RPS6KC1: variants seen among roughly 807,000 people sequenced by gnomAD.
RPS6KC1 encodes the protein inactive ribosomal protein S6 kinase delta-1.
In RPS6KC1, 54 loss-of-function variants were observed where a neutral mutation model predicts 103.8. The ratio of observed to expected loss-of-function variants is 0.52; its 90% CI spans 0.42 to 0.65. The LOEUF (loss-of-function observed/expected upper bound fraction) is 0.65, where lower values mean the gene tolerates loss of function less well. Ranked by LOEUF, RPS6KC1 falls within the 30% of genes least tolerant of loss-of-function variation. RPS6KC1 has a pLI of 0.00. For missense variants in RPS6KC1, 1,151 were observed against 1,253.8 expected (o/e 0.92, Z 1.24); for synonymous variants, 439 against 438.7 (o/e 1.00, Z -0.01).
At chr1:213,381,638 T>C in the RPS6KC1 span, among the ~76,000 whole-genome samples, 1 of 151,734 alleles carries the variant, frequency 6.6e-6, no homozygotes, top group Admixed American at 6.6e-5. Context: ...ACTCTCCCTT[T>C]GTGCTGTGAC....
chr1:213,067,139 T>G (rs1310946456), intron 1 of RPS6KC1, among the ~76,000 whole-genome samples: 1 of 152,222 alleles, frequency 6.6e-6, no homozygotes. Flanking sequence ...TATTTATTCA[T>G]GTCTTATGTC....
the RPS6KC1 span, among the ~76,000 whole-genome samples, chr1:213,724,694 G>A: frequency 1.3e-5 from 2 of 152,168 alleles, no homozygotes; most frequent in South Asian, 4.2e-4. Context: ...GAGGCCAGGA[G>A]TTTTCAAGAC....
intron 6 of RPS6KC1, among the ~76,000 whole-genome samples, chr1:213,145,547 G>A (rs2087652771): frequency 6.6e-6 from 1 of 151,980 alleles, no homozygotes; most frequent in Admixed American, 6.6e-5. Flanking sequence ...AAAGGATTAC[G>A]AGACACAATT....
intron 8 of RPS6KC1, among the ~76,000 whole-genome samples, chr1:213,182,298 C>A (rs1208934416): frequency 2.6e-5 from 4 of 152,076 alleles, no homozygotes; most frequent in Non-Finnish European, 5.9e-5. Flanking sequence ...TTGAGACCAG[C>A]CTGGCCAACA....
At chr1:213,221,345 T>C (rs1335245609) in intron 8 of RPS6KC1, among the ~76,000 whole-genome samples, 1 of 152,222 alleles carries the variant, frequency 6.6e-6, no homozygotes, top group Non-Finnish European at 1.5e-5. Context: ...TTCTGTGTTT[T>C]CTGGTAGCTT....
At chr1:213,541,903 G>T in the RPS6KC1 span, among the ~76,000 whole-genome samples, 1 of 152,142 alleles carries the variant, frequency 6.6e-6, no homozygotes, top group Non-Finnish European at 1.5e-5. Context: ...GTGGAGCAGG[G>T]AATCTCCAGT....
chr1:213,511,256 G>A, the RPS6KC1 span, among the ~76,000 whole-genome samples: 2 of 152,036 alleles, frequency 1.3e-5, no homozygotes, highest in South Asian at 4.1e-4. Flanking sequence ...CTGTTCTCCT[G>A]AAAGACTATG....
the RPS6KC1 span, among the ~76,000 whole-genome samples, chr1:213,794,214 G>C: frequency 6.6e-6 from 1 of 152,118 alleles, no homozygotes; most frequent in South Asian, 2.1e-4. Flanking sequence ...TTCACTCAAA[G>C]TCTGTTACTT....
At chr1:213,118,886 T>G (rs187273187) in intron 5 of RPS6KC1, among the ~76,000 whole-genome samples, 271 of 152,162 alleles carry the variant, frequency 1.8e-3, no homozygotes, top group African/African-American at 3.4e-3. Flanking sequence ...ATTATTTTTT[T>G]TGTGTGTGTG....
At position 213,128,126 on chromosome 1, in the gene RPS6KC1, A is replaced by G. The variant is rs949093826; in HGVS notation, c.473-1401A>G. ...TTTTCAGTTACATTATCTATGTGAC[A>G]TTTCCTTCATATCTTTCATCCAAAA... On this transcript the variant is annotated intron_variant, in intron 5 of 14. Transcript: ENST00000366960. 6.6e-5 allele frequency among the ~76,000 whole-genome samples: 10 copies of G among 152,202 alleles called. No homozygotes were observed. The East Asian group carries it at 9.6e-4, about 15-fold the overall frequency.
At chr1:213,246,412 T>C (rs2094455118) in intron 12 of RPS6KC1, among the ~76,000 whole-genome samples, 1 of 152,160 alleles carries the variant, frequency 6.6e-6, no homozygotes, top group Non-Finnish European at 1.5e-5. Flanking sequence ...GTAGATACTT[T>C]ATTAGGATAC....
chr1:213,380,353 A>G, the RPS6KC1 span, among the ~76,000 whole-genome samples: 4 of 152,182 alleles, frequency 2.6e-5, no homozygotes, highest in Non-Finnish European at 5.9e-5. Flanking sequence ...GAGGGAGAGG[A>G]TCAGGAAAAA....
chr1:213,082,973 C>G (rs1434252479), intron 3 of RPS6KC1, among the ~76,000 whole-genome samples: 1 of 152,148 alleles, frequency 6.6e-6, no homozygotes, highest in Non-Finnish European at 1.5e-5. Flanking sequence ...GAAGTGTAAG[C>G]CTCTGCCAAC....
At chr1:213,741,298 A>G in the RPS6KC1 span, among the ~76,000 whole-genome samples, 1 of 152,042 alleles carries the variant, frequency 6.6e-6, no homozygotes, top group Non-Finnish European at 1.5e-5. Context: ...GACATATACA[A>G]TGTATTATTA....
At chr1:213,192,050 A>C (rs992296965) in intron 8 of RPS6KC1, among the ~76,000 whole-genome samples, 93 of 152,058 alleles carry the variant, frequency 6.1e-4, no homozygotes, top group Non-Finnish European at 1.5e-4. Context: ...CACTGCACCC[A>C]GCTGAGGTAA....
chr1:213,478,421 G>T, the RPS6KC1 span, among the ~76,000 whole-genome samples: 7,571 of 151,986 alleles, frequency 0.05, 610 homozygotes, highest in African/African-American at 0.17. Context: ...GTTTAGTTTT[G>T]CAAAAAAAAT....
At chr1:213,587,305 C>G in the RPS6KC1 span, among the ~76,000 whole-genome samples, 1 of 152,106 alleles carries the variant, frequency 6.6e-6, no homozygotes, top group Non-Finnish European at 1.5e-5. Context: ...GAGGGGAAGG[C>G]AGGGCAGCCC....
the RPS6KC1 span, among the ~76,000 whole-genome samples, chr1:213,521,008 T>C: frequency 6.6e-6 from 1 of 152,208 alleles, no homozygotes; most frequent in Non-Finnish European, 1.5e-5. Flanking sequence ...GTATATAATA[T>C]ACAGAATATA....
chr1:213,628,621 C>T, the RPS6KC1 span, among the ~76,000 whole-genome samples: 1 of 152,134 alleles, frequency 6.6e-6, no homozygotes, highest in African/African-American at 2.4e-5. Context: ...ATGCCTTCTG[C>T]TGGCTTTTGA....
Sources: allele counts gnomAD v4.1 joint callset (sites outside exome capture counted in the v4.1 genomes callset), GRCh38; gene constraint gnomAD v4.1.1; transcripts MANE v1.5; gene names NCBI Gene and HGNC (gene_info 2026-07-23, HGNC 2026-07-21).